The following DDX10 variants were observed in gnomAD, a reference collection of about 807,000 sequenced individuals.
DDX10 encodes DEAD-box helicase 10, also known as probable ATP-dependent RNA helicase DDX10.
A neutral mutation model predicts 104.3 loss-of-function variants in DDX10; 74 were observed. The ratio of observed to expected loss-of-function variants is 0.71; its 90% confidence interval spans 0.59 to 0.86. DDX10 has a LOEUF of 0.86. DDX10 is among the 40% of genes least tolerant of loss of function. The pLI is 0.00. For synonymous variants in DDX10, 351 were observed against 353.4 expected (o/e 0.99, Z 0.08); for missense variants, 952 against 1,040.0 (o/e 0.92, Z 1.16).
intron 16 of DDX10, among the ~76,000 whole-genome samples, chr11:108,875,305 A>C (rs1740000275): frequency 6.6e-6 from 1 of 152,290 alleles, no homozygotes; most frequent in East Asian, 1.9e-4. Flanking sequence ...TTAGCTCTTT[A>C]TCTCTATTGA....
At chr11:108,725,757 A>C (rs528664237) in intron 13 of DDX10, among the ~76,000 whole-genome samples, 25 of 151,832 alleles carry the variant, frequency 1.6e-4, no homozygotes, top group African/African-American at 5.6e-4. Context: ...TTTTATTTTG[A>C]GTGTCTGGCA....
chr11:108,766,974 A>G (rs2094357125), intron 13 of DDX10, among the ~76,000 whole-genome samples: 1 of 152,190 alleles, frequency 6.6e-6, no homozygotes, highest in African/African-American at 2.4e-5. Context: ...TTATTACGTA[A>G]TAGATGCTAA....
intron 15 of DDX10, among the ~76,000 whole-genome samples, chr11:108,850,850 G>A (rs1862781730): frequency 6.6e-6 from 1 of 152,096 alleles, no homozygotes; most frequent in Non-Finnish European, 1.5e-5. Context: ...CTTACTATGT[G>A]TGACATCAGG....
chr11:108,706,009 T>C (rs993065265), intron 9 of DDX10, among the ~76,000 whole-genome samples: 14 of 152,104 alleles, frequency 9.2e-5, no homozygotes, highest in African/African-American at 3.4e-4. Context: ...TCTTGCTCTG[T>C]TGCCCAGGCT....
Position 108,838,545 on chromosome 11 carries a change from A to G in DDX10, c.2065A>G (p.Thr689Ala). The G allele has an allele frequency of 1.9e-6, 3 of 1,610,908 alleles. No individual in the cohort carries two copies. Among genetic ancestry groups the G allele is most frequent in the Non-Finnish European group, 2.5e-6 (3 of 1,178,702 alleles). The change falls in exon 14 of 18, where the codon ACA becomes GCA. Residue 689 changes from threonine (T) to alanine (A), a missense_variant. Coordinates refer to ENST00000322536, the MANE Select transcript of DDX10 (RefSeq NM_004398.4). Reference sequence around the variant, plus strand: ...AAATTTTAAAGTGAATAAGAAGATAACATTTACTGATGAAGGGGAGGTAAG... The same window carrying G: ...AAATTTTAAAGTGAATAAGAAGATAGCATTTACTGATGAAGGGGAGGTAAG... The part of the protein sequence containing the change: ...KRNFKVNKKI[T>A]FTDEGELVQQ...
chr11:108,707,108 T>C (rs1413780426), intron 10 of DDX10, among the ~76,000 whole-genome samples: 1 of 152,152 alleles, frequency 6.6e-6, no homozygotes, highest in East Asian at 1.9e-4. Context: ...GATGAACCTA[T>C]GTTGATGTTA....
At chr11:108,760,573 A>C (rs562644002) in intron 13 of DDX10, among the ~76,000 whole-genome samples, 13 of 152,078 alleles carry the variant, frequency 8.5e-5, no homozygotes, top group Non-Finnish European at 1.5e-4. Flanking sequence ...TTGGTGAATA[A>C]TTTCCTTTAA....
chr11:108,811,392 A>C (rs767141493), intron 13 of DDX10, among the ~76,000 whole-genome samples: 3 of 152,120 alleles, frequency 2.0e-5, no homozygotes, highest in Non-Finnish European at 4.4e-5. Flanking sequence ...TAAAAGGATC[A>C]TGGGGCACAG....
At chr11:108,796,775 CT>C (rs1861946441) in intron 13 of DDX10, among the ~76,000 whole-genome samples, 2 of 152,056 alleles carry the variant, frequency 1.3e-5, no homozygotes, top group African/African-American at 2.4e-5. Context: ...GAGGTGGGAC[CT>C]TTAAGAGGTG....
intron 6 of DDX10, among the ~76,000 whole-genome samples, chr11:108,682,610 T>G (rs2094237109): frequency 6.6e-6 from 1 of 152,208 alleles, no homozygotes; most frequent in Non-Finnish European, 1.5e-5. Context: ...TCCCTTTACT[T>G]CTTCCTACCT....
rs376358257 is a variant in DDX10, at chr11:108,665,118, C to A, written c.-36C>A. 6.3e-7 allele frequency: 1 copy of A among 1,580,722 alleles called. No individual in the cohort carries two copies. Among genetic ancestry groups the A allele is most frequent in the South Asian group, 1.2e-5 (1 of 85,502 alleles). On this transcript the variant is annotated 5_prime_UTR_variant, in exon 1 of 18. In the 5' UTR this introduces an upstream ATG that the reference lacks. Transcript: ENST00000322536. ...GAGTCTGGCCTTAGGTGTCTCGTGTCTGGGGTTGATCCGAGCTGTCGCCGC... is the reference window on the plus strand; with the variant it reads ...GAGTCTGGCCTTAGGTGTCTCGTGTATGGGGTTGATCCGAGCTGTCGCCGC...
In DDX10 at chr11:108,846,911, A is replaced by G. The variant is rs529289818; in HGVS notation, c.2248-5242A>G. ...TCAAGCTGCCTGCTTGCCAAAATTC[A>G]TAGCTGCTACTCTGGACTTCAGGTA... On this transcript the variant is annotated intron_variant, in intron 15 of 17. Transcript: ENST00000322536. Among the ~76,000 whole-genome samples the G allele has an allele frequency of 7.2e-5, 11 of 152,272 alleles. No homozygotes were observed. The East Asian group carries it at 1.5e-3, about 21-fold the overall frequency.
At position 108,833,282 on chromosome 11, in the gene DDX10, A is replaced by AT. The variant is rs1398255899; in HGVS notation, c.1966-5158dup. Reference sequence around the variant, plus strand: ...ACAGTCATATTCATTTATTCTGTGTATTTTTTCTAAGATTATATATATAAT... The same window carrying AT: ...ACAGTCATATTCATTTATTCTGTGTATTTTTTTCTAAGATTATATATATAAT... On this transcript the variant is annotated intron_variant, in intron 13 of 17. Coordinates refer to ENST00000322536, the MANE Select transcript of DDX10 (RefSeq NM_004398.4). Among the ~76,000 whole-genome samples the AT allele has an allele frequency of 5.3e-5, 8 of 152,206 alleles. No homozygotes were observed. The East Asian group carries it at 1.5e-3, about 29-fold the overall frequency.
chr11:108,680,362 A>C (rs2094233080), intron 6 of DDX10, among the ~76,000 whole-genome samples: 1 of 152,186 alleles, frequency 6.6e-6, no homozygotes, highest in African/African-American at 2.4e-5. Flanking sequence ...CAACCAGGGC[A>C]TACCACCATG....
intron 13 of DDX10, among the ~76,000 whole-genome samples, chr11:108,732,262 C>T (rs1273286598): frequency 1.3e-5 from 2 of 152,108 alleles, no homozygotes; most frequent in South Asian, 2.1e-4. Context: ...ATTAAAATTT[C>T]GGAGGAGGAA....
chr11:108,843,879 C>T (rs968621539), intron 15 of DDX10, among the ~76,000 whole-genome samples: 2 of 152,160 alleles, frequency 1.3e-5, no homozygotes, highest in Non-Finnish European at 2.9e-5. Context: ...TTTCTTTATG[C>T]AGATAGAAAT....
In DDX10 at chr11:108,702,364, A is replaced by G. The variant is rs530460539; in HGVS notation, c.1224-4375A>G. ...TTACAAAAATGGGATTGTTCTAAAT[A>G]AACTTTTTGTAACCTAACTTGTAAC... On this transcript the variant is annotated intron_variant, in intron 9 of 17. Coordinates refer to ENST00000322536, the MANE Select transcript of DDX10 (RefSeq NM_004398.4). 2.0e-5 allele frequency among the ~76,000 whole-genome samples: 3 copies of G among 152,312 alleles called. No individual in the cohort carries two copies. The South Asian group carries it at 6.2e-4, about 32-fold the overall frequency.
At chr11:108,916,058 T>A (rs1297823850) in intron 16 of DDX10, among the ~76,000 whole-genome samples, 1 of 151,984 alleles carries the variant, frequency 6.6e-6, no homozygotes, top group Non-Finnish European at 1.5e-5. Context: ...TTTAAATTTT[T>A]AATTTCTAAT....
intron 3 of DDX10, chr11:108,675,939 A>G (rs538483743): frequency 2.0e-4 from 109 of 556,272 alleles, no homozygotes; most frequent in African/African-American, 9.4e-4. Flanking sequence ...CAGGCACTCA[A>G]TAACTTACTG....
Sources: allele counts gnomAD v4.1 joint callset (sites outside exome capture counted in the v4.1 genomes callset), GRCh38; gene constraint gnomAD v4.1.1; transcripts MANE v1.5; gene names NCBI Gene and HGNC (gene_info 2026-07-23, HGNC 2026-07-21).